The following CFAP99 variants were observed in gnomAD, a reference collection of about 807,000 sequenced individuals.
CFAP99 encodes cilia and flagella associated protein 99.
A neutral mutation model predicts 82.7 loss-of-function variants in CFAP99; 84 were observed. That is an observed-to-expected ratio of 1.02 (90% CI 0.85 to 1.22). CFAP99 has a LOEUF of 1.22. Ranked by LOEUF, CFAP99 falls within the 50% of genes most tolerant of loss-of-function variation. CFAP99 has a pLI of 0.00. For missense variants in CFAP99, 1,059 were observed against 983.5 expected, an observed-to-expected ratio of 1.08 and a Z score of -1.03; for synonymous variants, 456 against 429.5, an observed-to-expected ratio of 1.06 and a Z score of -0.76.
At chr4:2,440,861 T>G (rs1734021043) in intron 4 of CFAP99, among the ~76,000 whole-genome samples, 1 of 152,000 alleles carries the variant, frequency 6.6e-6, no homozygotes. Flanking sequence ...CCCAAAGTGC[T>G]GGGATTACAG....
At chr4:2,458,677 A>C (rs1157911765) in intron 11 of CFAP99, 46 bp from the exon 12 acceptor site, 2 of 1,506,332 alleles carry the variant, frequency 1.3e-6, no homozygotes, top group Admixed American at 4.1e-5. Context: ...CAGGCAGGGA[A>C]GCCGGAGCAG....
chr4:2,456,779 A>T (rs1734446680), intron 11 of CFAP99, among the ~76,000 whole-genome samples: 1 of 151,940 alleles, frequency 6.6e-6, no homozygotes, highest in Non-Finnish European at 1.5e-5. Flanking sequence ...TCGGCCTCCC[A>T]AAGTGCTGGG....
chr4:2,433,656 C>G lies in CFAP99; in HGVS notation c.112-3218C>G, dbSNP rs142942371. On this transcript the variant is annotated intron_variant, in intron 2 of 14. Transcript: ENST00000635017. ...GATCTATGTGGAGGCAGGGCATTCC[C>G]TTTCCTCTCTGGCGAGCGCCCAGGT... Among the ~76,000 whole-genome samples the G allele has an allele frequency of 6.2e-3, 944 of 152,310 alleles. 6 individuals carry two copies. The highest frequency in any genetic ancestry group is 0.013 in the South Asian group (64 of 4,824).
In CFAP99 at chr4:2,451,358, G is replaced by A. The variant is rs1446314782; in HGVS notation, c.956+6G>A. The A allele has an allele frequency of 2.6e-6, 4 of 1,535,016 alleles. No homozygotes were observed. Among genetic ancestry groups the A allele is most frequent in the Admixed American group, 2.0e-5 (1 of 50,986 alleles). ...GTGGAGCAGGAGCTGCAGAGGTGAAGGGCGGCAGGCCCCCCCACCTGCCTT... is the reference window on the plus strand; with the variant it reads ...GTGGAGCAGGAGCTGCAGAGGTGAAAGGCGGCAGGCCCCCCCACCTGCCTT... On this transcript the variant is annotated splice_donor_region_variant and intron_variant, in intron 10 of 14. Coordinates refer to ENST00000635017, the Ensembl canonical transcript of CFAP99.
At chr4:2,439,576 C>A (rs1233197849) in intron 4 of CFAP99, among the ~76,000 whole-genome samples, 2 of 152,222 alleles carry the variant, frequency 1.3e-5, no homozygotes, top group Non-Finnish European at 2.9e-5. Context: ...GAGAGTGCAG[C>A]CCCGAGCCAG....
intron 11 of CFAP99, among the ~76,000 whole-genome samples, chr4:2,455,318 A>G (rs1358271648): frequency 6.6e-6 from 1 of 152,210 alleles, no homozygotes; most frequent in Non-Finnish European, 1.5e-5. Flanking sequence ...TTGCCATGCA[A>G]ATATTCTTTT....
intron 12 of CFAP99, 72 bp downstream of exon 12, chr4:2,458,936 C>G: frequency 6.7e-7 from 1 of 1,484,936 alleles, no homozygotes; most frequent in Non-Finnish European, 8.9e-7. Context: ...CCACCCTTTC[C>G]TGAGTGAGCC....
Position 2,446,383 on chromosome 4 carries a change from A to G in CFAP99, c.642+1075A>G, listed in dbSNP as rs61790173. 2.5e-4 allele frequency among the ~76,000 whole-genome samples: 2 copies of G among 8,044 alleles called. No individual in the cohort carries two copies. Among genetic ancestry groups the G allele is most frequent in the East Asian group, 2.8e-3 (1 of 360 alleles). 5.3% of individuals were successfully genotyped at this position (8,044 alleles called of 152,430 possible). On this transcript the variant is annotated intron_variant, in intron 6 of 14. Coordinates refer to ENST00000635017, the Ensembl canonical transcript of CFAP99. The surrounding 1 kb of genome is among the most constrained non-coding windows in gnomAD (Gnocchi z 5.0). ...TATTATTGTTGTTATTATTATTATT[A>G]TTATTATTATTATTATTATTATTAT...
At chr4:2,452,375 G>A (rs1261400959) in intron 11 of CFAP99, 29 bp downstream of exon 11, 3 of 1,527,986 alleles carry the variant, frequency 2.0e-6, no homozygotes, top group East Asian at 4.9e-5. Context: ...AGCTGGGCAT[G>A]GGGCAGCCAG....
chr4:2,451,449 G>A (rs138370182), intron 10 of CFAP99, 97 bp downstream of exon 10: 33 of 1,160,694 alleles, frequency 2.8e-5, no homozygotes, highest in South Asian at 1.4e-4. Flanking sequence ...GCTCAGTGGA[G>A]AGGGACTCGG....
rs1208948749 is a variant in CFAP99 at position 2,462,414 on chromosome 4, G to A, written c.1662-29G>A. On this transcript the variant is annotated intron_variant, in intron 14 of 14. Transcript: ENST00000635017. This position sits in a 1 kb window ranked among gnomAD's most constrained non-coding sequence, Gnocchi z 4.1. The stretch of plus-strand genomic sequence containing the variant: ...TCTGGCCTGGGCCTCCCGCCGGCCT[G>A]CTCCTGAGCCCGCCGCGTCGCCCGC... The A allele has an allele frequency of 7.1e-7, 1 of 1,405,054 alleles. No homozygotes were observed. The highest frequency in any genetic ancestry group is 9.1e-7 in the Non-Finnish European group (1 of 1,093,084). The allele number at this position is 1,405,054 out of a possible 1,614,324, so 87.0% of individuals were successfully genotyped here. A position where few individuals can be genotyped will look rare whatever the true frequency, so the allele number is the denominator to read the frequency against.
Position 2,462,634 on chromosome 4 carries a change from G to A in CFAP99, c.1853G>A (p.Gly618Glu), listed in dbSNP as rs1353296788. ...AGTCCGGATTGGTGGGAGGAGCCCG[G>A]GCGACTGAAAGCCGGGGCCGGGTGG... Residue 618 changes from glycine to glutamate, a missense_variant, in exon 15 of 15, where the codon GGG becomes GAG. Coordinates refer to ENST00000635017, the Ensembl canonical transcript of CFAP99. The surrounding 1 kb of genome is among the most constrained non-coding windows in gnomAD (Gnocchi z 4.1). The A allele has an allele frequency of 3.8e-6, 5 of 1,310,090 alleles. No homozygotes were observed. The highest frequency in any genetic ancestry group is 4.8e-6 in the Non-Finnish European group (5 of 1,032,624). The allele number at this position is 1,310,090 out of a possible 1,614,324, so 81.2% of individuals were successfully genotyped here.
At chr4:2,433,849 G>A (rs1453879557) in intron 2 of CFAP99, among the ~76,000 whole-genome samples, 1 of 152,240 alleles carries the variant, frequency 6.6e-6, no homozygotes, top group Non-Finnish European at 1.5e-5. Flanking sequence ...GAAACAGGAG[G>A]CCAGTGTGAC....
intron 10 of CFAP99, 63 bp downstream of exon 10, chr4:2,451,415 G>A (rs1734299023): frequency 2.0e-6 from 3 of 1,488,134 alleles, no homozygotes; most frequent in Non-Finnish European, 2.7e-6. Flanking sequence ...GAAAGGCTCA[G>A]AGGAGGGGCC....
At chr4:2,429,241 C>T (rs535378643) in intron 2 of CFAP99, 1 of 152,324 alleles carries the variant, frequency 6.6e-6, no homozygotes, top group South Asian at 2.1e-4. Context: ...GTGTGTTTAC[C>T]CCTTCCTCAA....
At chr4:2,454,581 C>CTTTTTTTTTTTTTTTTTTTTTTTTTTTTT (rs200727697) in intron 11 of CFAP99, among the ~76,000 whole-genome samples, 10 of 94,710 alleles carry the variant, frequency 1.1e-4, no homozygotes, top group African/African-American at 1.7e-4. Flanking sequence ...TGTTTTTTTT[C>CTTTTTTTTTTTTTTTTTTTTTTTTTTTTT]TTTTTTTTTT....
chr4:2,433,250 A>G (rs949665591), intron 2 of CFAP99, among the ~76,000 whole-genome samples: 3 of 152,124 alleles, frequency 2.0e-5, no homozygotes, highest in African/African-American at 7.2e-5. Context: ...CTTCCCAAAC[A>G]CAGACGTCAT....
At chr4:2,460,102 C>T (rs946471753) in exon 14 of CFAP99, 2 of 1,536,054 alleles carry the variant, frequency 1.3e-6, no homozygotes, top group African/African-American at 2.7e-5. Flanking sequence ...TGGCCCTGCT[C>T]AAAGAGAATC....
chr4:2,457,072 C>A (rs1193702778), intron 11 of CFAP99, among the ~76,000 whole-genome samples: 1 of 151,762 alleles, frequency 6.6e-6, no homozygotes, highest in Non-Finnish European at 1.5e-5. Context: ...CCCACCTCAG[C>A]CTCCTGAGTA....
Sources: gnomAD v4.1 joint callset for allele counts (sites outside exome capture counted in the v4.1 genomes callset) on GRCh38, gnomAD v4.1.1 for gene constraint, Gnocchi (gnomAD v3.1) non-coding constraint, MANE v1.5 for transcripts, NCBI Gene and HGNC (gene_info 2026-07-23, HGNC 2026-07-21) for gene names.